Variants in NCAM2 observed in about 807,000 individuals in gnomAD.
NCAM2 encodes neural cell adhesion molecule 2, also known as N-CAM-2.
In NCAM2, 30 loss-of-function variants were observed where a neutral mutation model predicts 98.1. That is an observed-to-expected ratio of 0.31 (90% CI 0.23 to 0.41). The LOEUF (loss-of-function observed/expected upper bound fraction) is 0.41, where lower values mean the gene tolerates loss of function less well. NCAM2 is among the 10% of genes least tolerant of loss of function. NCAM2 has a pLI of 1.00. For synonymous variants in NCAM2, 368 were observed against 342.4 expected, an observed-to-expected ratio of 1.07 and a Z score of -0.83; for missense variants, 867 against 1,005.8, an observed-to-expected ratio of 0.86 and a Z score of 1.87.
At chr21:21,507,406 A>G (rs1024026059) in intron 15 of NCAM2, among the ~76,000 whole-genome samples, 12 of 152,258 alleles carry the variant, frequency 7.9e-5, no homozygotes, top group East Asian at 1.9e-4. Flanking sequence ...TCAAATTTAC[A>G]TCTATACCCG....
chr21:21,494,153 C>A (rs528650549), intron 15 of NCAM2, among the ~76,000 whole-genome samples: 142 of 151,830 alleles, frequency 9.4e-4, no homozygotes, highest in African/African-American at 3.2e-3. Flanking sequence ...TATTCTGTTA[C>A]ATGTTTAGAA....
At chr21:21,139,033 TCTTA>T (rs2067116244) in intron 1 of NCAM2, among the ~76,000 whole-genome samples, 1 of 152,198 alleles carries the variant, frequency 6.6e-6, no homozygotes, top group African/African-American at 2.4e-5. Flanking sequence ...ATAAAAGTTT[TCTTA>T]CTTTGAAAAA....
chr21:21,253,399 A>C (rs1359756152), intron 1 of NCAM2, among the ~76,000 whole-genome samples: 1 of 152,110 alleles, frequency 6.6e-6, no homozygotes, highest in African/African-American at 2.4e-5. Context: ...CCAGTAGTAT[A>C]GTATTAGGTG....
intron 1 of NCAM2, among the ~76,000 whole-genome samples, chr21:21,161,338 AT>A (rs964024714): frequency 6.6e-6 from 1 of 151,830 alleles, no homozygotes; most frequent in Non-Finnish European, 1.5e-5. Flanking sequence ...TTATTTATTT[AT>A]TTTATTTATT....
At chr21:21,184,623 G>A (rs962769562) in intron 1 of NCAM2, among the ~76,000 whole-genome samples, 7 of 152,084 alleles carry the variant, frequency 4.6e-5, no homozygotes, top group African/African-American at 1.7e-4. Flanking sequence ...GACCTCTATA[G>A]CAAATTAAAA....
intron 1 of NCAM2, among the ~76,000 whole-genome samples, chr21:21,007,956 A>T (rs548113403): frequency 2.6e-5 from 4 of 152,214 alleles, no homozygotes; most frequent in Middle Eastern, 3.4e-3. Context: ...CTTTCTGATT[A>T]TTTTTATATC....
intron 1 of NCAM2, among the ~76,000 whole-genome samples, chr21:21,134,613 A>G (rs1208603631): frequency 1.3e-5 from 2 of 152,152 alleles, no homozygotes; most frequent in Non-Finnish European, 2.9e-5. Context: ...TTAATGTGCT[A>G]ATAGAAAATG....
intron 1 of NCAM2, among the ~76,000 whole-genome samples, chr21:21,044,465 A>G (rs1240596398): frequency 2.0e-5 from 3 of 152,216 alleles, no homozygotes; most frequent in African/African-American, 4.8e-5. Context: ...AATGGTAACT[A>G]TGGTTCATTA....
At chr21:21,233,975 G>C (rs544297253) in intron 1 of NCAM2, among the ~76,000 whole-genome samples, 16 of 151,760 alleles carry the variant, frequency 1.1e-4, no homozygotes, top group African/African-American at 3.9e-4. Context: ...TTATCAGTAG[G>C]TATATACAGT....
intron 9 of NCAM2, among the ~76,000 whole-genome samples, chr21:21,407,039 C>A (rs2076753093): frequency 1.3e-5 from 2 of 152,234 alleles, no homozygotes; most frequent in Admixed American, 6.5e-5. Flanking sequence ...ACATTTGAAA[C>A]CTTTCATGAT....
intron 1 of NCAM2, among the ~76,000 whole-genome samples, chr21:21,235,421 C>T (rs997738027): frequency 3.3e-5 from 5 of 151,846 alleles, no homozygotes; most frequent in South Asian, 2.1e-4. Context: ...TGTAAATTAA[C>T]GTGACCAGCA....
At chr21:21,157,933 A>G (rs1569088193) in intron 1 of NCAM2, among the ~76,000 whole-genome samples, 1 of 152,084 alleles carries the variant, frequency 6.6e-6, no homozygotes, top group African/African-American at 2.4e-5. Context: ...AATACAAAAG[A>G]TGTTTGTATT....
At chr21:21,054,584 G>A (rs762624750) in intron 1 of NCAM2, among the ~76,000 whole-genome samples, 9 of 151,952 alleles carry the variant, frequency 5.9e-5, no homozygotes, top group Non-Finnish European at 1.0e-4. Context: ...ACAGGCATAT[G>A]AAATCAATAT....
At chr21:21,371,760 C>T (rs1307805809) in intron 8 of NCAM2, among the ~76,000 whole-genome samples, 2 of 151,756 alleles carry the variant, frequency 1.3e-5, no homozygotes, top group East Asian at 3.9e-4. Context: ...AAATTAGTAT[C>T]TATCTTGTTT....
chr21:21,163,207 G>A (rs1274866010), intron 1 of NCAM2, among the ~76,000 whole-genome samples: 2 of 152,106 alleles, frequency 1.3e-5, no homozygotes, highest in African/African-American at 4.8e-5. Flanking sequence ...TTACAGTGCA[G>A]TAAAAATAAA....
chr21:21,436,685 A>G (rs1398000898), intron 12 of NCAM2, among the ~76,000 whole-genome samples: 1 of 152,094 alleles, frequency 6.6e-6, no homozygotes, highest in African/African-American at 2.4e-5. Flanking sequence ...GGATTATTTT[A>G]TAGCACCTCT....
chr21:21,526,714 C>T (rs960909536), intron 16 of NCAM2, among the ~76,000 whole-genome samples: 1 of 152,112 alleles, frequency 6.6e-6, no homozygotes, highest in Non-Finnish European at 1.5e-5. Flanking sequence ...CACTATCCAA[C>T]TTCAATACTT....
intron 1 of NCAM2, among the ~76,000 whole-genome samples, chr21:21,276,907 A>T (rs2072749350): frequency 6.6e-6 from 1 of 152,104 alleles, no homozygotes. Context: ...TGAAAAATTA[A>T]CCAGATGTTT....
chr21:21,017,629 C>A (rs7281727), intron 1 of NCAM2, among the ~76,000 whole-genome samples: 1,884 of 151,922 alleles, frequency 0.012, 31 homozygotes, highest in African/African-American at 0.043. Flanking sequence ...TGATTTCTTC[C>A]AAAAGCTGCA....
Sources: allele counts gnomAD v4.1 joint callset (sites outside exome capture counted in the v4.1 genomes callset), GRCh38; gene constraint gnomAD v4.1.1; transcripts MANE v1.5; gene names NCBI Gene and HGNC (gene_info 2026-07-23, HGNC 2026-07-21).